Variants in SUMF1 observed in about 807,000 individuals in gnomAD.
SUMF1 encodes sulfatase modifying factor 1, also known as formylglycine-generating enzyme.
Under a neutral mutation model 47.6 loss-of-function variants are expected in SUMF1, and 48 were observed. The ratio of observed to expected loss-of-function variants is 1.01; its 90% CI spans 0.80 to 1.28. SUMF1 has a LOEUF of 1.28. SUMF1 is among the 50% of genes most tolerant of loss of function. SUMF1 has a pLI of 0.00. For synonymous variants in SUMF1, 230 were observed against 192.1 expected (o/e 1.20, Z -1.63); for missense variants, 571 against 485.4 (o/e 1.18, Z -1.66).
rs146367893 is a variant in SUMF1 at position 4,201,891 on chromosome 3, A to G, written c.1015-133146T>C. On this transcript the variant is annotated intron_variant and NMD_transcript_variant, in intron 8 of 12. Transcript: ENST00000448413. ...TCTGATGTTAAGCACCTTTTCAAATACCTGTTTGCCATTTGAGCAATGTCT... is the reference window on the plus strand; with the variant it reads ...TCTGATGTTAAGCACCTTTTCAAATGCCTGTTTGCCATTTGAGCAATGTCT... 5.6e-3 allele frequency among the ~76,000 whole-genome samples: 858 copies of G among 152,046 alleles called. 4 individuals are homozygous for G. The highest frequency in any genetic ancestry group is 0.031 in the Middle Eastern group (9 of 294).
rs141587254 is a variant in SUMF1, at chr3:4,178,117, G to C, written c.1015-109372C>G. 4.1e-3 allele frequency among the ~76,000 whole-genome samples: 618 copies of C among 152,260 alleles called. 7 individuals are homozygous for C. The highest frequency in any genetic ancestry group is 0.014 in the African/African-American group (585 of 41,544). On this transcript the variant is annotated intron_variant and NMD_transcript_variant, in intron 8 of 12. Transcript: ENST00000448413. ...AGTGTAATTCTACCAGAGGTACAAA[G>C]AGGAGTTAGTACCATTTCTTCTGGA...
intron 8 of SUMF1, among the ~76,000 whole-genome samples, chr3:4,128,491 C>T (rs1443937322): frequency 6.6e-6 from 1 of 152,126 alleles, no homozygotes; most frequent in African/African-American, 2.4e-5. Flanking sequence ...GAGATCAACC[C>T]TGCATTGCCT....
intron 8 of SUMF1, among the ~76,000 whole-genome samples, chr3:4,135,142 T>C (rs1451958942): frequency 6.6e-6 from 1 of 152,094 alleles, no homozygotes; most frequent in Non-Finnish European, 1.5e-5. Context: ...ATCATCCTGA[T>C]ACCAAAGCCT....
rs57815089 is a variant in SUMF1, at chr3:4,324,220, T to TA, written c.1014+52109dup. The stretch of plus-strand genomic sequence containing the variant: ...GACGCTTTCTCAAATTGAAATTAAT[T>TA]AAAAAAAAAATGTCAAAGACCTACA... On this transcript the variant is annotated intron_variant and NMD_transcript_variant, in intron 8 of 12. Coordinates refer to the SUMF1 transcript ENST00000448413. 7.3e-5 allele frequency among the ~76,000 whole-genome samples: 11 copies of TA among 150,102 alleles called. No individual in the cohort carries two copies. In the South Asian group the frequency reaches 1.1e-3, roughly 14 times the overall value.
chr3:4,121,499 T>C (rs1693540627), intron 8 of SUMF1, among the ~76,000 whole-genome samples: 1 of 152,156 alleles, frequency 6.6e-6, no homozygotes, highest in Non-Finnish European at 1.5e-5. Context: ...ACTGGTGATG[T>C]CCACTTAAGG....
intron 1 of SUMF1, among the ~76,000 whole-genome samples, chr3:4,456,635 CGTGTATATATATATATGTGT>C (rs1559311993): frequency 6.3e-4 from 71 of 111,816 alleles, no homozygotes; most frequent in Non-Finnish European, 1.2e-3. Context: ...TATATATATA[CGTGTATATATATATATGTGT>C]GTGTATATAT....
chr3:4,305,938 G>A (rs1044616912), intron 8 of SUMF1, among the ~76,000 whole-genome samples: 2 of 152,196 alleles, frequency 1.3e-5, no homozygotes, highest in African/African-American at 2.4e-5. Context: ...GAAAACTTAG[G>A]ACTAAGCATT....
At chr3:4,172,351 T>A (rs2125124751) in intron 8 of SUMF1, among the ~76,000 whole-genome samples, 1 of 152,268 alleles carries the variant, frequency 6.6e-6, no homozygotes, top group East Asian at 1.9e-4. Context: ...TTTAGACACG[T>A]TGAGTTTTTA....
rs1030724658 is a variant in SUMF1 at position 4,317,201 on chromosome 3, T to C, written c.1014+59129A>G. The C allele has an allele frequency of 6.5e-6, 10 of 1,548,438 alleles. No homozygotes were observed. The African/African-American group carries it at 1.4e-4, about 21-fold the overall frequency. ...CTACAGGAATAAACCAACTTATTTC[T>C]CGTTGGCAAAAATGTGTTGATTGTA... is the stretch of plus-strand genomic sequence containing the variant. On this transcript the variant is annotated intron_variant and NMD_transcript_variant, in intron 8 of 12. Coordinates refer to the SUMF1 transcript ENST00000448413.
At position 4,363,361 on chromosome 3, in the gene SUMF1, A is replaced by G. The variant is rs183259489; in HGVS notation, c.1015-1107T>C. Among the ~76,000 whole-genome samples, 40 of 152,288 alleles carry G rather than the reference A, an allele frequency of 2.6e-4. No homozygotes were observed. The East Asian group carries it at 7.5e-3, about 29-fold the overall frequency. ...GGACAACATTGCTTTTTAAAAATAC[A>G]TTGCTCTTCCATTTCTTTGTATCCT... On this transcript the variant is annotated intron_variant, in intron 8 of 8. Coordinates refer to ENST00000272902, the MANE Select transcript of SUMF1 (RefSeq NM_182760.4).
intron 8 of SUMF1, among the ~76,000 whole-genome samples, chr3:4,373,964 G>T (rs973275922): frequency 2.0e-5 from 3 of 150,926 alleles, no homozygotes; most frequent in Non-Finnish European, 3.0e-5. Flanking sequence ...TGCAGAAAAA[G>T]CTCCCAGCAA....
chr3:4,413,379 A>G (rs1324248302), intron 6 of SUMF1, among the ~76,000 whole-genome samples: 1 of 152,142 alleles, frequency 6.6e-6, no homozygotes, highest in Non-Finnish European at 1.5e-5. Flanking sequence ...GTAAAATGGG[A>G]AAAATAATAG....
intron 8 of SUMF1, among the ~76,000 whole-genome samples, chr3:4,184,128 C>A (rs1360056630): frequency 6.7e-6 from 1 of 149,020 alleles, no homozygotes; most frequent in South Asian, 2.1e-4. Context: ...CCATGTGACC[C>A]TGTCTCGAAA....
chr3:4,272,474 C>T (rs1278761680), intron 8 of SUMF1, among the ~76,000 whole-genome samples: 1 of 152,134 alleles, frequency 6.6e-6, no homozygotes, highest in East Asian at 1.9e-4. Flanking sequence ...GGAGCTATGA[C>T]CCTGAGCAAG....
chr3:4,130,766 C>T (rs1343980464), intron 8 of SUMF1, among the ~76,000 whole-genome samples: 2 of 152,040 alleles, frequency 1.3e-5, no homozygotes, highest in Admixed American at 1.3e-4. Flanking sequence ...GGAGGCAACA[C>T]ATTCCTCAAT....
Position 4,313,483 on chromosome 3 carries a change from G to A in SUMF1, c.1014+62847C>T. On this transcript the variant is annotated intron_variant and NMD_transcript_variant, in intron 8 of 12. Coordinates refer to the SUMF1 transcript ENST00000448413. ...AATGGTACCTAAGTTGGCACTTTTTGCAGCCAAAGATATTGTGCCAGAAGA... is the reference window on the plus strand; with the variant it reads ...AATGGTACCTAAGTTGGCACTTTTTACAGCCAAAGATATTGTGCCAGAAGA... 6.2e-7 allele frequency: 1 copy of A among 1,613,436 alleles called. No homozygotes were observed. The highest frequency in any genetic ancestry group is 1.3e-5 in the African/African-American group (1 of 74,932).
At chr3:4,456,719 T>TATATACACACAC (rs2079627171) in intron 1 of SUMF1, among the ~76,000 whole-genome samples, 1 of 134,344 alleles carries the variant, frequency 7.4e-6, no homozygotes, top group Non-Finnish European at 1.6e-5. Context: ...TATATATACA[T>TATATACACACAC]ATATATACGT....
At chr3:4,064,277 T>A (rs1695332255) in intron 9 of SUMF1, among the ~76,000 whole-genome samples, 1 of 152,076 alleles carries the variant, frequency 6.6e-6, no homozygotes, top group South Asian at 2.1e-4. Flanking sequence ...CCACTGATCA[T>A]CCTCACTGAT....
intron 8 of SUMF1, among the ~76,000 whole-genome samples, chr3:4,208,307 G>A (rs1417991374): frequency 6.6e-6 from 1 of 151,942 alleles, no homozygotes; most frequent in African/African-American, 2.4e-5. Flanking sequence ...ATGGTCCAGG[G>A]ACACAGTCTC....
Sources: gnomAD v4.1 joint callset for allele counts (sites outside exome capture counted in the v4.1 genomes callset) on GRCh38, gnomAD v4.1.1 for gene constraint, MANE v1.5 for transcripts, NCBI Gene and HGNC (gene_info 2026-07-23, HGNC 2026-07-21) for gene names.